The following POPDC2 variants were observed in gnomAD, a reference collection of about 807,000 sequenced individuals.
POPDC2 encodes the protein popeye domain-containing protein 2.
In POPDC2, 24 loss-of-function variants were observed where a neutral mutation model predicts 30.5. The observed-to-expected ratio is 0.79, with a 90% CI of 0.57 to 1.11. The LOEUF (loss-of-function observed/expected upper bound fraction) is 1.11, where lower values mean the gene tolerates loss of function less well. Among genes scored for constraint, POPDC2 ranks in the 50% least tolerant of loss-of-function variants. POPDC2 has a pLI of 0.00. For synonymous variants in POPDC2, 185 were observed against 183.3 expected (o/e 1.01, Z -0.07); for missense variants, 409 against 447.0 (o/e 0.91, Z 0.77).
intron 3 of POPDC2, among the ~76,000 whole-genome samples, chr3:119,643,745 T>C (rs1482986152): frequency 1.3e-5 from 2 of 152,160 alleles, no homozygotes; most frequent in Non-Finnish European, 2.9e-5. Context: ...ATCCAAGGCA[T>C]CCTTTTCCCA....
chr3:119,642,507 G>A lies in POPDC2; in HGVS notation c.*98C>T. The A allele has an allele frequency of 6.2e-7, 1 of 1,613,084 alleles. No homozygotes were observed. The highest frequency in any genetic ancestry group is 8.5e-7 in the Non-Finnish European group (1 of 1,179,074). On this transcript the variant is annotated 3_prime_UTR_variant, in exon 4 of 4. Transcript: ENST00000493094. ...TTCAGGCGTGTGGGTTGGAGCCAAA[G>A]GGGCCTGTCCCCTGGATATAACTTG...
At chr3:119,650,275 TAAA>T in intron 2 of POPDC2, among the ~76,000 whole-genome samples, 1 of 152,188 alleles carries the variant, frequency 6.6e-6, no homozygotes, top group Admixed American at 6.5e-5. Flanking sequence ...ATTTTACAAA[TAAA>T]AATTCTTTTT....
intron 3 of POPDC2, among the ~76,000 whole-genome samples, chr3:119,645,756 G>A (rs1228694552): frequency 1.3e-5 from 2 of 152,160 alleles, no homozygotes; most frequent in African/African-American, 2.4e-5. Flanking sequence ...ATATCACAGA[G>A]AGTTCTTGCT....
rs543285184 is a variant in POPDC2 at position 119,655,137 on chromosome 3, G to T, written c.492-524C>A. On this transcript the variant is annotated intron_variant, in intron 1 of 3. Transcript: ENST00000493094. ...AGGTCAGGAGTTCGAGACCAGCCTG[G>T]CCAAGAGAGTGAAACCCCCATCTCT... is the stretch of plus-strand genomic sequence containing the variant. Among the ~76,000 whole-genome samples, 3 of 152,226 alleles carry T rather than the reference G, an allele frequency of 2.0e-5. No individual in the cohort carries two copies. In the South Asian group the frequency reaches 6.2e-4, roughly 32 times the overall value.
At chr3:119,653,618 C>T (rs968777877) in intron 2 of POPDC2, among the ~76,000 whole-genome samples, 2 of 151,958 alleles carry the variant, frequency 1.3e-5, no homozygotes, top group Admixed American at 6.5e-5. Flanking sequence ...GTTGGGACTA[C>T]AGGTGCCCGC....
At chr3:119,658,555 T>A (rs560928399) in intron 1 of POPDC2, among the ~76,000 whole-genome samples, 1 of 152,374 alleles carries the variant, frequency 6.6e-6, no homozygotes, top group East Asian at 1.9e-4. Flanking sequence ...ATGGGTCTCA[T>A]GAATGAGCAA....
chr3:119,650,936 T>C (rs575833), intron 2 of POPDC2, among the ~76,000 whole-genome samples: 106,706 of 152,180 alleles, frequency 0.7, 37,688 homozygotes, highest in Middle Eastern at 0.77. Flanking sequence ...TTTGTCTCAG[T>C]TGACAGCAGC....
intron 3 of POPDC2, among the ~76,000 whole-genome samples, chr3:119,644,475 T>C (rs2052723757): frequency 6.6e-6 from 1 of 152,228 alleles, no homozygotes; most frequent in Admixed American, 6.5e-5. Flanking sequence ...AGACCCTGCA[T>C]GAATACATTA....
rs2052773061 is a variant in POPDC2, at chr3:119,648,593, C to A, written c.676G>T (p.Glu226Ter). ...RKSLHLLLTKERYISCLFSAL... is the reference protein window; with the variant it reads ...RKSLHLLLTK ...GAGAAGAGGCAGGAGATGTATCGCTCTTTGGTCAGAAGAAGATGGAGACTT... is the reference window on the plus strand; with the variant it reads ...GAGAAGAGGCAGGAGATGTATCGCTATTTGGTCAGAAGAAGATGGAGACTT... The change falls in exon 3 of 4, where the codon GAG becomes TAG. Residue 226 changes from glutamate (E) to a stop codon, truncating the protein, a stop_gained. Coordinates refer to ENST00000493094, the MANE Select transcript of POPDC2 (RefSeq NM_001369919.2). LOFTEE classifies it high-confidence loss of function. The A allele has an allele frequency of 6.2e-7, 1 of 1,614,148 alleles. No individual in the cohort carries two copies. Among genetic ancestry groups the A allele is most frequent in the Non-Finnish European group, 8.5e-7 (1 of 1,180,032 alleles).
At chr3:119,644,276 T>G (rs940201088) in intron 3 of POPDC2, among the ~76,000 whole-genome samples, 1 of 152,202 alleles carries the variant, frequency 6.6e-6, no homozygotes, top group African/African-American at 2.4e-5. Context: ...AGCTTTCAAT[T>G]TATTTTGTGA....
In POPDC2 at chr3:119,648,530, T is replaced by C. The variant is rs1362969073; in HGVS notation, c.739A>G (p.Thr247Ala). The change falls in exon 3 of 4, where the codon ACT (threonine) becomes GCT (alanine). Residue 247 changes from threonine to alanine, a missense_variant. Coordinates refer to ENST00000493094, the MANE Select transcript of POPDC2 (RefSeq NM_001369919.2). ...TTAGCAAAGAGCTTGTCATTGAGAG[T>C]GTAGAGCTTCTCTGAGATGTCATAT... ...LGYDISEKLY[T>A]LNDKLFAKFG... is the part of the protein sequence containing the mutation. 6.2e-7 allele frequency: 1 copy of C among 1,613,754 alleles called. No individual in the cohort carries two copies. The highest frequency in any genetic ancestry group is 1.7e-5 in the Admixed American group (1 of 59,978).
In POPDC2 at chr3:119,647,648, A is replaced by G. The variant is rs1266453757; in HGVS notation, c.*43+471T>C. 2.6e-5 allele frequency among the ~76,000 whole-genome samples: 4 copies of G among 152,228 alleles called. No homozygotes were observed. In the East Asian group the frequency reaches 5.8e-4, roughly 22 times the overall value. On this transcript the variant is annotated intron_variant, in intron 3 of 3. Transcript: ENST00000493094. ...CCCGAGCTATTAGCTCATAATCACA[A>G]TCCTCTTTAAAATATGCAGTTTTAA...
intron 2 of POPDC2, among the ~76,000 whole-genome samples, chr3:119,651,200 C>A (rs939781203): frequency 6.6e-6 from 1 of 152,318 alleles, no homozygotes; most frequent in Middle Eastern, 3.4e-3. Context: ...ACCTCAGGGC[C>A]TTTGCACTGG....
In POPDC2 at chr3:119,660,294, C is replaced by A; in HGVS notation, c.130G>T (p.Gly44Cys). The change falls in exon 1 of 4, where the codon GGC becomes TGC. Residue 44 changes from glycine to cysteine, a missense_variant. Gly to Cys is a radical substitution (Grantham distance 159). Transcript: ENST00000493094. ...NCLLLLGFMG[G>C]SGVYGCFYLF... ...TAGAAGCATCCATACACCCCACTGC[C>A]CCCCATGAAGCCCAGGAGTAAGAGG... 1.2e-6 allele frequency: 2 copies of A among 1,614,150 alleles called. No homozygotes were observed. Among genetic ancestry groups the A allele is most frequent in the Non-Finnish European group, 1.7e-6 (2 of 1,180,018 alleles).
intron 2 of POPDC2, among the ~76,000 whole-genome samples, chr3:119,650,590 T>A (rs1232452595): frequency 1.3e-5 from 2 of 152,186 alleles, no homozygotes; most frequent in Admixed American, 1.3e-4. Context: ...TTGCCCAATC[T>A]CATGATTGTT....
At chr3:119,657,637 A>G (rs1481246772) in intron 1 of POPDC2, among the ~76,000 whole-genome samples, 2 of 152,246 alleles carry the variant, frequency 1.3e-5, no homozygotes. Context: ...GCGCTGCTGC[A>G]GCATATGTCA....
chr3:119,647,806 G>A (rs542169773), intron 3 of POPDC2, among the ~76,000 whole-genome samples: 3 of 152,070 alleles, frequency 2.0e-5, no homozygotes, highest in Non-Finnish European at 4.4e-5. Context: ...ACAAATAAAA[G>A]CCCCTTAAGC....
At chr3:119,656,884 G>A (rs2052885318) in intron 1 of POPDC2, among the ~76,000 whole-genome samples, 1 of 152,230 alleles carries the variant, frequency 6.6e-6, no homozygotes, top group South Asian at 2.1e-4. Context: ...CATCTCTCAT[G>A]TTTCTGGAGA....
At chr3:119,648,876 C>A (rs886511934) in intron 2 of POPDC2, among the ~76,000 whole-genome samples, 1 of 152,104 alleles carries the variant, frequency 6.6e-6, no homozygotes. Context: ...TGTCAGGAGC[C>A]CTGGGATCAG....
Sources: allele counts gnomAD v4.1 joint callset (sites outside exome capture counted in the v4.1 genomes callset), GRCh38; gene constraint gnomAD v4.1.1; transcripts MANE v1.5; gene names NCBI Gene and HGNC (gene_info 2026-07-23, HGNC 2026-07-21).